DNAJB4: variants seen among roughly 807,000 people sequenced by gnomAD.
DNAJB4 encodes the protein dnaJ homolog subfamily B member 4.
A neutral mutation model predicts 26.6 loss-of-function variants in DNAJB4; 10 were observed. The ratio of observed to expected loss-of-function variants is 0.38; its 90% CI spans 0.23 to 0.64. The LOEUF is 0.64. Ranked by LOEUF, DNAJB4 falls within the 30% of genes least tolerant of loss-of-function variation. DNAJB4 has a pLI of 0.58. For synonymous variants in DNAJB4, 136 were observed against 134.8 expected (o/e 1.01, Z -0.06); for missense variants, 328 against 408.2 (o/e 0.80, Z 1.69).
At position 78,005,129 on chromosome 1, in the gene DNAJB4, T is replaced by A; in HGVS notation, c.19T>A (p.Cys7Ser). Reference protein sequence around the residue: MGKDYYCILGIEKGASD... With the variant: MGKDYYSILGIEKGASD... The stretch of plus-strand genomic sequence containing the variant: ...ATTCGAAATGGGGAAAGACTATTAT[T>A]GCATTTTGGGAATTGAGAAAGGAGC... Residue 7 changes from cysteine to serine, a missense_variant, in exon 1 of 3, where the codon TGC becomes AGC. Coordinates refer to ENST00000370763, the MANE Select transcript of DNAJB4 (RefSeq NM_007034.5). 1 of 1,613,808 alleles carries A rather than the reference T, an allele frequency of 6.2e-7. No homozygotes were observed. Among genetic ancestry groups the A allele is most frequent in the Non-Finnish European group, 8.5e-7 (1 of 1,179,908 alleles).
chr1:78,010,925 C>A (rs1660455075), intron 1 of DNAJB4, among the ~76,000 whole-genome samples: 1 of 152,184 alleles, frequency 6.6e-6, no homozygotes, highest in African/African-American at 2.4e-5. Context: ...TGAATACCTA[C>A]CATTTTCAGC....
rs779607763 is a variant in DNAJB4, at chr1:78,016,177, A to C, written c.944A>C (p.Glu315Ala). The C allele has an allele frequency of 6.2e-7, 1 of 1,614,142 alleles. No individual in the cohort carries two copies. The highest frequency in any genetic ancestry group is 2.2e-5 in the East Asian group (1 of 44,862). ...DQRGDLLIEF[E>A]VSFPDTISSS... ...CGTGGTGACCTTCTAATAGAATTTG[A>C]GGTGTCCTTCCCAGATACTATATCT... is the stretch of plus-strand genomic sequence containing the variant. The change falls in exon 3 of 3, where the codon GAG becomes GCG. Residue 315 changes from glutamate to alanine, a missense_variant. Glu to Ala is a moderately radical substitution (Grantham distance 107, BLOSUM62 -1). Transcript: ENST00000370763.
chr1:78,012,234 C>T (rs1382071810), intron 1 of DNAJB4, among the ~76,000 whole-genome samples: 5 of 136,690 alleles, frequency 3.7e-5, no homozygotes, highest in Admixed American at 8.3e-5. Context: ...GCGATCTCAG[C>T]TCGCTGCAAC....
chr1:78,015,966 T>A (rs767807994), intron 2 of DNAJB4, 48 bp from the exon 3 acceptor site: 38 of 1,512,046 alleles, frequency 2.5e-5, no homozygotes, highest in Admixed American at 3.8e-5. Flanking sequence ...GTGCTTAGAT[T>A]TTTGAGTTTT....
upstream of DNAJB4, chr1:77,979,182 T>G: frequency 1.6e-6 from 1 of 637,434 alleles, no homozygotes; most frequent in South Asian, 2.0e-5. Flanking sequence ...AACGCGCTGG[T>G]GTGGGTTAGG....
At chr1:77,989,710 G>T (rs1659887788) in intron 1 of DNAJB4, among the ~76,000 whole-genome samples, 1 of 152,112 alleles carries the variant, frequency 6.6e-6, no homozygotes, top group Non-Finnish European at 1.5e-5. Context: ...GGACACTAGT[G>T]GTGTCAGGAT....
chr1:77,998,954 A>G (rs960342999), intron 1 of DNAJB4, among the ~76,000 whole-genome samples: 5 of 152,230 alleles, frequency 3.3e-5, no homozygotes, highest in Non-Finnish European at 5.9e-5. Flanking sequence ...ATTTGTAGCC[A>G]TCACAAAATT....
Position 78,017,533 on chromosome 1 carries a change from AC to A in DNAJB4, c.*1289del, listed in dbSNP as rs1660671779. The A allele has an allele frequency of 6.6e-6, 1 of 152,066 alleles. No individual in the cohort carries two copies. Among genetic ancestry groups the A allele is most frequent in the South Asian group, 2.1e-4 (1 of 4,836 alleles). The allele number at this position is 152,066 out of a possible 1,614,324, so 9.4% of individuals were successfully genotyped here. A position where few individuals can be genotyped will look rare whatever the true frequency, so the allele number is the denominator to read the frequency against. ...ATATAATTTACATGCCATAAAGTTT[AC>A]CCTTAAAATATATAATTCAGTGGTT... On this transcript the variant is annotated 3_prime_UTR_variant, in exon 3 of 3. Transcript: ENST00000370763.
At chr1:78,000,459 A>G (rs1485812822), upstream of DNAJB4, among the ~76,000 whole-genome samples, 1 of 152,212 alleles carries the variant, frequency 6.6e-6, no homozygotes, top group Non-Finnish European at 1.5e-5. Flanking sequence ...TAGTATTACC[A>G]GGATTCTAAC....
rs1227587365 is a variant in DNAJB4, at chr1:78,017,765, T to A, written c.*1518T>A. ...CACATAAATAGACTCAAACAATATA[T>A]GGCTTTTTTTTTTTTTGGTCTGGCC... On this transcript the variant is annotated 3_prime_UTR_variant, in exon 3 of 3. Transcript: ENST00000370763. The A allele has an allele frequency of 3.5e-5, 3 of 85,388 alleles. No individual in the cohort carries two copies. In the East Asian group the frequency reaches 1.2e-3, roughly 33 times the overall value. The allele number at this position is 85,388 out of a possible 1,614,324, so 5.3% of individuals were successfully genotyped here. A position where few individuals can be genotyped will look rare whatever the true frequency, so the allele number is the denominator to read the frequency against.
At position 78,017,064 on chromosome 1, in the gene DNAJB4, A is replaced by G. The variant is rs1035454775; in HGVS notation, c.*817A>G. On this transcript the variant is annotated 3_prime_UTR_variant, in exon 3 of 3. Transcript: ENST00000370763. ...GAGGAAATGCTGTTACTTGGAATTA[A>G]TTTTCCAGTTATACAGTCTTCTATA... 6.6e-6 allele frequency: 1 copy of G among 152,022 alleles called. No homozygotes were observed. The highest frequency in any genetic ancestry group is 2.4e-5 in the African/African-American group (1 of 41,454). 9.4% of individuals were successfully genotyped at this position (152,022 alleles called of 1,614,324 possible). A position where few individuals can be genotyped will look rare whatever the true frequency, so the allele number is the denominator to read the frequency against.
chr1:77,992,282 G>A (rs1303400272), intron 1 of DNAJB4, among the ~76,000 whole-genome samples: 3 of 150,070 alleles, frequency 2.0e-5, no homozygotes, highest in African/African-American at 2.4e-5. Context: ...GCGTAGTGGC[G>A]GGCACCTGTA....
chr1:77,984,440 ATTTCTTTC>A (rs374349155), intron 1 of DNAJB4, among the ~76,000 whole-genome samples: 3 of 152,016 alleles, frequency 2.0e-5, no homozygotes, highest in Admixed American at 6.6e-5. Flanking sequence ...GGGAATCTAT[ATTTCTTTC>A]TTTCTTTCTT....
chr1:78,006,916 A>G (rs1266437886), intron 1 of DNAJB4, among the ~76,000 whole-genome samples: 1 of 152,220 alleles, frequency 6.6e-6, no homozygotes, highest in Non-Finnish European at 1.5e-5. Flanking sequence ...ACTGCTTTGT[A>G]TTTAAAATAT....
At chr1:78,015,980 G>T (rs777476432) in intron 2 of DNAJB4, 34 bp from the exon 3 acceptor site, 4 of 1,573,698 alleles carry the variant, frequency 2.5e-6, no homozygotes, top group Non-Finnish European at 3.5e-6. Context: ...GAGTTTTGAA[G>T]TGTTTTCATT....
At position 78,013,073 on chromosome 1, in the gene DNAJB4, T is replaced by A. The variant is rs1327265545; in HGVS notation, c.234T>A (p.Gly78=). 3 of 1,610,946 alleles carry A rather than the reference T, an allele frequency of 1.9e-6. No homozygotes were observed. The highest frequency in any genetic ancestry group is 2.5e-6 in the Non-Finnish European group (3 of 1,178,394). ...GEEGLKGGAG[G]TDGQGGTFRY... ...TAGGGTTGAAAGGAGGAGCAGGAGG[T>A]ACTGATGGACAAGGAGGTACCTTCC... The change falls in exon 2 of 3, where the codon GGT becomes GGA. Residue 78 remains glycine, a synonymous_variant. Coordinates refer to ENST00000370763, the MANE Select transcript of DNAJB4 (RefSeq NM_007034.5).
At position 78,016,546 on chromosome 1, in the gene DNAJB4, G is replaced by T; in HGVS notation, c.*299G>T. The T allele has an allele frequency of 3.3e-6, 1 of 301,128 alleles. No individual in the cohort carries two copies. Among genetic ancestry groups the T allele is most frequent in the Non-Finnish European group, 6.1e-6 (1 of 163,562 alleles). 18.7% of individuals were successfully genotyped at this position (301,128 alleles called of 1,614,324 possible). Reference sequence around the variant, plus strand: ...TCAGTGGATATATTTCTAATGAAGTGCTAGACTATCCAATTACTTAATTTC... The same window carrying T: ...TCAGTGGATATATTTCTAATGAAGTTCTAGACTATCCAATTACTTAATTTC... On this transcript the variant is annotated 3_prime_UTR_variant, in exon 3 of 3. Coordinates refer to ENST00000370763, the MANE Select transcript of DNAJB4 (RefSeq NM_007034.5).
At chr1:78,004,629 A>G (rs901036247), upstream of DNAJB4, 2 of 154,222 alleles carry the variant, frequency 1.3e-5, no homozygotes, top group Admixed American at 1.3e-4. Flanking sequence ...AATGACTGTG[A>G]TGATTTTCAC....
chr1:78,002,698 T>TTAATACAACAATCACG (rs1218375315), upstream of DNAJB4, among the ~76,000 whole-genome samples: 3 of 152,186 alleles, frequency 2.0e-5, no homozygotes, highest in African/African-American at 4.8e-5. Context: ...GATTGTTGTA[T>TTAATACAACAATCACG]TAATACAACA....
Sources: allele counts gnomAD v4.1 joint callset (sites outside exome capture counted in the v4.1 genomes callset), GRCh38; gene constraint gnomAD v4.1.1; transcripts MANE v1.5; gene names NCBI Gene and HGNC (gene_info 2026-07-23, HGNC 2026-07-21).